ANKS1B: variants seen among roughly 807,000 people sequenced by gnomAD.
The protein encoded by ANKS1B is ankyrin repeat and sterile alpha motif domain containing 1B.
ANKS1B carries 36 observed loss-of-function variants against 148.3 expected under a neutral mutation model. That is an observed-to-expected ratio of 0.24 (90% confidence interval 0.19 to 0.32). The LOEUF (loss-of-function observed/expected upper bound fraction) is 0.32, where lower values mean the gene tolerates loss of function less well. Among genes scored for constraint, ANKS1B ranks in the 10% least tolerant of loss-of-function variants. The probability of loss-of-function intolerance (pLI) is 1.00; values close to 1 mark genes in which losing one functional copy is unlikely to be tolerated. For missense variants in ANKS1B, 1,157 were observed against 1,542.6 expected (o/e 0.75, Z 4.19); for synonymous variants, 542 against 560.8 (o/e 0.97, Z 0.47).
intron 10 of ANKS1B, among the ~76,000 whole-genome samples, chr12:99,449,964 G>C (rs2095704165): frequency 6.6e-6 from 1 of 151,844 alleles, no homozygotes; most frequent in South Asian, 2.1e-4. Flanking sequence ...AAGATTTACT[G>C]TAAGGCATTA....
intron 12 of ANKS1B, among the ~76,000 whole-genome samples, chr12:99,288,250 G>A (rs971740592): frequency 6.6e-6 from 1 of 152,154 alleles, no homozygotes; most frequent in Non-Finnish European, 1.5e-5. Flanking sequence ...CAGGCCAGGA[G>A]AGAGCGGCAT....
chr12:99,353,259 T>C (rs2091634631), intron 12 of ANKS1B, among the ~76,000 whole-genome samples: 1 of 152,086 alleles, frequency 6.6e-6, no homozygotes, highest in African/African-American at 2.4e-5. Context: ...ATCTCCCTTA[T>C]GTCTCAGTTT....
chr12:99,435,138 A>G (rs552594068), intron 11 of ANKS1B, among the ~76,000 whole-genome samples: 70 of 152,216 alleles, frequency 4.6e-4, no homozygotes, highest in African/African-American at 1.6e-3. Context: ...ATTGAAGGTG[A>G]TTTTAATCAT....
chr12:99,052,267 T>C (rs973295627), intron 17 of ANKS1B, among the ~76,000 whole-genome samples: 4 of 152,256 alleles, frequency 2.6e-5, no homozygotes, highest in Non-Finnish European at 4.4e-5. Context: ...TGGCAACATA[T>C]GTTGGCCAGT....
intron 8 of ANKS1B, among the ~76,000 whole-genome samples, chr12:99,758,518 T>A (rs1030602282): frequency 6.7e-6 from 1 of 148,956 alleles, no homozygotes; most frequent in African/African-American, 2.5e-5. Flanking sequence ...GTACTATTAT[T>A]CTTATTGCTA....
chr12:99,019,743 T>C (rs1369306742), intron 17 of ANKS1B, among the ~76,000 whole-genome samples: 1 of 152,188 alleles, frequency 6.6e-6, no homozygotes, highest in African/African-American at 2.4e-5. Context: ...AATGACTATT[T>C]TTCTAACATA....
At chr12:98,952,265 A>C (rs556898586) in intron 17 of ANKS1B, among the ~76,000 whole-genome samples, 1 of 152,286 alleles carries the variant, frequency 6.6e-6, no homozygotes, top group South Asian at 2.1e-4. Flanking sequence ...GTGAGAGGTT[A>C]AAGTGGGTCA....
rs143849079 is a variant in ANKS1B at position 98,879,719 on chromosome 12, G to A, written c.2779-47583C>T. On this transcript the variant is annotated intron_variant, in intron 17 of 26. Transcript: ENST00000683438. ...TGAGACAAAGTGCCACAAAGATAAT[G>A]TTTAAATAAAATACCACATAGTACA... Among the ~76,000 whole-genome samples the A allele has an allele frequency of 1.2e-3, 190 of 152,206 alleles. 3 individuals are homozygous for A. Among genetic ancestry groups the A allele is most frequent in the African/African-American group, 4.4e-3 (184 of 41,530 alleles).
chr12:98,784,674 C>A (rs951965913), intron 22 of ANKS1B, among the ~76,000 whole-genome samples: 7 of 152,160 alleles, frequency 4.6e-5, no homozygotes, highest in Non-Finnish European at 8.8e-5. Context: ...ACAGGCAGGT[C>A]AGGACACAGC....
At position 99,748,645 on chromosome 12, in the gene ANKS1B, G is replaced by A. The variant is rs146248592; in HGVS notation, c.1128+24277C>T. 9.2e-5 allele frequency among the ~76,000 whole-genome samples: 14 copies of A among 152,090 alleles called. No individual in the cohort carries two copies. In the East Asian group the frequency reaches 2.3e-3, roughly 25 times the overall value. On this transcript the variant is annotated intron_variant, in intron 8 of 26. Coordinates refer to ENST00000683438, the MANE Select transcript of ANKS1B (RefSeq NM_001352186.2). ...GCTGCTCTCAAGTTTACATTCTAGT[G>A]GAAGGAGATAGAAAATAAACAAGCA...
intron 22 of ANKS1B, among the ~76,000 whole-genome samples, chr12:98,786,126 C>A (rs923779770): frequency 6.6e-6 from 1 of 152,128 alleles, no homozygotes; most frequent in Non-Finnish European, 1.5e-5. Context: ...GCATCTTGGT[C>A]ACCTGCAAAA....
chr12:99,386,389 T>G (rs2093859530), intron 12 of ANKS1B: 2 of 152,160 alleles, frequency 1.3e-5, no homozygotes, highest in Non-Finnish European at 2.9e-5. Flanking sequence ...GGTCTCATTC[T>G]CTTCAATGCT....
chr12:98,888,751 C>T (rs2099745867), intron 17 of ANKS1B, among the ~76,000 whole-genome samples: 1 of 152,188 alleles, frequency 6.6e-6, no homozygotes, highest in African/African-American at 2.4e-5. Context: ...GGGATACCCC[C>T]AAATTTTCTA....
rs569257530 is a variant in ANKS1B at position 99,698,262 on chromosome 12, T to C, written c.1129-43052A>G. On this transcript the variant is annotated intron_variant, in intron 8 of 26. Transcript: ENST00000683438. ...AAAAACAAATTAATCCAAGAACGTTTTGAATACAATACTGTTTCCACCCTC... is the reference window on the plus strand; with the variant it reads ...AAAAACAAATTAATCCAAGAACGTTCTGAATACAATACTGTTTCCACCCTC... 1.4e-4 allele frequency among the ~76,000 whole-genome samples: 22 copies of C among 152,324 alleles called. 1 individual carries two copies. Among genetic ancestry groups the C allele is most frequent in the Middle Eastern group, 3.4e-3 (1 of 294 alleles).
intron 9 of ANKS1B, among the ~76,000 whole-genome samples, chr12:99,523,256 G>C (rs774161705): frequency 6.6e-6 from 1 of 152,188 alleles, no homozygotes; most frequent in Non-Finnish European, 1.5e-5. Flanking sequence ...GAACATAAGT[G>C]AGGAAAATGG....
intron 12 of ANKS1B, among the ~76,000 whole-genome samples, chr12:99,333,861 T>TTTTTTTTTTGTTTG (rs2088143028): frequency 6.8e-6 from 1 of 146,438 alleles, no homozygotes; most frequent in Non-Finnish European, 1.5e-5. Flanking sequence ...TCAGTTTTTT[T>TTTTTTTTTTGTTTG]TTTTTTTTTT....
rs146291862 is a variant in ANKS1B at position 99,695,646 on chromosome 12, G to A, written c.1129-40436C>T. Among the ~76,000 whole-genome samples the A allele has an allele frequency of 3.6e-3, 550 of 152,126 alleles. 2 individuals carry two copies. Among genetic ancestry groups the A allele is most frequent in the Middle Eastern group, 6.8e-3 (2 of 292 alleles). ...TTAGATTCATAATAAACCAAACACCGCATGTTCTCACTTACAAATAGGAGC... is the reference window on the plus strand; with the variant it reads ...TTAGATTCATAATAAACCAAACACCACATGTTCTCACTTACAAATAGGAGC... On this transcript the variant is annotated intron_variant, in intron 8 of 26. Transcript: ENST00000683438.
At chr12:99,778,351 T>C (rs1444049677) in intron 6 of ANKS1B, among the ~76,000 whole-genome samples, 1 of 150,816 alleles carries the variant, frequency 6.6e-6, no homozygotes, top group Non-Finnish European at 1.5e-5. Context: ...CTACTAAAAA[T>C]ACAAAAAGTA....
rs114740275 is a variant in ANKS1B at position 99,890,530 on chromosome 12, C to T, written c.135-65141G>A. ...TTGCCAGCTCCCATAATCACATGAG[C>T]GTATTCCTTAAAATAAGTCTCTTTC... On this transcript the variant is annotated intron_variant, in intron 1 of 26. Coordinates refer to ENST00000683438, the MANE Select transcript of ANKS1B (RefSeq NM_001352186.2). Among the ~76,000 whole-genome samples the T allele has an allele frequency of 7.5e-3, 1,128 of 150,124 alleles. 18 individuals are homozygous for T. Among genetic ancestry groups the T allele is most frequent in the African/African-American group, 0.026 (1,056 of 40,826 alleles).
Sources: gnomAD v4.1 joint callset for allele counts (sites outside exome capture counted in the v4.1 genomes callset) on GRCh38, gnomAD v4.1.1 for gene constraint, MANE v1.5 for transcripts, NCBI Gene and HGNC (gene_info 2026-07-23, HGNC 2026-07-21) for gene names.